Variants in APP observed in about 807,000 individuals in gnomAD.
APP encodes the protein amyloid beta precursor protein.
In APP, 31 loss-of-function variants were observed where a neutral mutation model predicts 101.4. The observed-to-expected ratio is 0.31, with a 90% CI of 0.23 to 0.41. The LOEUF (loss-of-function observed/expected upper bound fraction) is 0.41, where lower values mean the gene tolerates loss of function less well. Ranked by LOEUF, APP falls within the 10% of genes least tolerant of loss-of-function variation. The pLI is 1.00. For synonymous variants in APP, 366 were observed against 364.4 expected, an observed-to-expected ratio of 1.00 and a Z score of -0.05; for missense variants, 839 against 1,003.7, an observed-to-expected ratio of 0.84 and a Z score of 2.22.
chr21:25,890,908 C>CAATT (rs759843974), intron 17 of APP, among the ~76,000 whole-genome samples: 22 of 151,998 alleles, frequency 1.4e-4, no homozygotes, highest in Non-Finnish European at 2.8e-4. Context: ...TAAAATATCG[C>CAATT]AATTAAATGT....
In APP at chr21:26,111,900, C is replaced by T. The variant is rs370377819; in HGVS notation, c.225+79G>A. 1.3e-3 allele frequency: 1,893 copies of T among 1,509,290 alleles called. 1 individual carries two copies. The highest frequency in any genetic ancestry group is 6.5e-3 in the Middle Eastern group (38 of 5,870). The allele number at this position is 1,509,290 out of a possible 1,614,324, so 93.5% of individuals were successfully genotyped here. ...TTACTGTAGGGTTAAAATACTGATG[C>T]AAAATACAAGAAGTTAAATTTTTTG... On this transcript the variant is annotated intron_variant, in intron 2 of 17. Coordinates refer to ENST00000346798, the MANE Select transcript of APP (RefSeq NM_000484.4).
chr21:25,898,525 A>G (rs1041775512), intron 15 of APP, among the ~76,000 whole-genome samples: 1 of 152,212 alleles, frequency 6.6e-6, no homozygotes, highest in Non-Finnish European at 1.5e-5. Flanking sequence ...AGGGCTTTTG[A>G]AGTCATCTTC....
intron 1 of APP, chr21:26,140,252 T>C (rs1270736419): frequency 2.0e-5 from 31 of 1,535,938 alleles, no homozygotes; most frequent in Non-Finnish European, 2.6e-5. Flanking sequence ...AACTGTGGAA[T>C]ACTCCCTGAG....
At chr21:26,122,842 A>G (rs942732674) in intron 1 of APP, among the ~76,000 whole-genome samples, 2 of 151,762 alleles carry the variant, frequency 1.3e-5, no homozygotes, top group Non-Finnish European at 2.9e-5. Context: ...GATCACAGGC[A>G]AGTAGACAAA....
At chr21:25,979,712 C>T (rs1303002110) in intron 9 of APP, among the ~76,000 whole-genome samples, 10 of 151,884 alleles carry the variant, frequency 6.6e-5, no homozygotes, top group Admixed American at 6.6e-5. Context: ...AGACCTGTCA[C>T]ATCTAAAACT....
intron 1 of APP, among the ~76,000 whole-genome samples, chr21:26,142,856 G>A (rs1009409443): frequency 4.6e-5 from 7 of 152,162 alleles, no homozygotes; most frequent in African/African-American, 1.7e-4. Flanking sequence ...GGTACTACCT[G>A]TATTTCAGAG....
intron 3 of APP, chr21:26,089,483 G>A (rs1017458366): frequency 5.8e-5 from 8 of 138,758 alleles, no homozygotes; most frequent in African/African-American, 2.1e-4. Context: ...AATAAGAGGA[G>A]TAGTTATTGT....
At chr21:25,973,943 TAAAAAAAAA>T (rs369334912) in intron 11 of APP, among the ~76,000 whole-genome samples, 1 of 111,140 alleles carries the variant, frequency 9.0e-6, no homozygotes, top group Admixed American at 1.0e-4. Context: ...CCATCTCATT[TAAAAAAAAA>T]AAAAAAAAAA....
chr21:25,980,091 G>A (rs1601099354), intron 9 of APP, among the ~76,000 whole-genome samples: 1 of 152,182 alleles, frequency 6.6e-6, no homozygotes, highest in South Asian at 2.1e-4. Flanking sequence ...AGGGCAAAGG[G>A]AAGCCCAAGA....
chr21:25,949,666 G>A (rs1018822866), intron 13 of APP, among the ~76,000 whole-genome samples: 3 of 152,090 alleles, frequency 2.0e-5, no homozygotes, highest in African/African-American at 7.2e-5. Context: ...GAGGAGGCAA[G>A]GATGACCAAC....
chr21:26,104,328 A>G (rs928405311), intron 2 of APP, among the ~76,000 whole-genome samples: 1 of 151,822 alleles, frequency 6.6e-6, no homozygotes, highest in Non-Finnish European at 1.5e-5. Context: ...GGGGGGAAAA[A>G]TCTCAAATGG....
At chr21:26,144,490 A>G (rs2063115010) in intron 1 of APP, among the ~76,000 whole-genome samples, 1 of 152,184 alleles carries the variant, frequency 6.6e-6, no homozygotes, top group African/African-American at 2.4e-5. Context: ...AGCAATGTGG[A>G]TTTTATTATA....
At chr21:26,147,683 C>T (rs2063180642) in intron 1 of APP, among the ~76,000 whole-genome samples, 1 of 152,092 alleles carries the variant, frequency 6.6e-6, no homozygotes, top group East Asian at 1.9e-4. Flanking sequence ...CACAGAGCAA[C>T]TGTTAAGTTA....
chr21:25,893,693 T>C (rs936623888), intron 16 of APP, among the ~76,000 whole-genome samples: 19 of 152,188 alleles, frequency 1.2e-4, no homozygotes, highest in African/African-American at 2.7e-4. Flanking sequence ...AGAGGTTGAT[T>C]TCATGAGGTT....
chr21:25,959,347 T>A (rs2146508638), intron 11 of APP, among the ~76,000 whole-genome samples: 1 of 152,242 alleles, frequency 6.6e-6, no homozygotes, highest in South Asian at 2.1e-4. Context: ...GCAGGAGAAT[T>A]GTTTGAACCT....
At chr21:26,140,108 C>G (rs2063009675) in intron 1 of APP, 1 of 1,359,150 alleles carries the variant, frequency 7.4e-7, no homozygotes, top group Non-Finnish European at 1.0e-6. Context: ...TCATCTTACC[C>G]AAATACAGAC....
chr21:25,925,332 C>G (rs1657572814), intron 13 of APP, among the ~76,000 whole-genome samples: 1 of 152,192 alleles, frequency 6.6e-6, no homozygotes, highest in South Asian at 2.1e-4. Context: ...CTGAAACTCC[C>G]CAAGGCTCGG....
chr21:25,938,252 A>T lies in APP; in HGVS notation c.1687+16338T>A, dbSNP rs189385122. On this transcript the variant is annotated intron_variant, in intron 13 of 17. Coordinates refer to ENST00000346798, the MANE Select transcript of APP (RefSeq NM_000484.4). ...AACTTCTTGAGGTTAATAATGCTTC[A>T]TTGTAATATTTTATAAAATCACCAC... is the stretch of plus-strand genomic sequence containing the variant. Among the ~76,000 whole-genome samples the T allele has an allele frequency of 1.2e-4, 19 of 152,300 alleles. No homozygotes were observed. In the East Asian group the frequency reaches 3.1e-3, roughly 25 times the overall value.
chr21:26,012,236 C>T (rs370568509), intron 6 of APP, among the ~76,000 whole-genome samples: 5 of 152,060 alleles, frequency 3.3e-5, no homozygotes, highest in Admixed American at 2.6e-4. Context: ...TGGGGTCAGG[C>T]GATCATCCTG....
Sources: allele counts gnomAD v4.1 joint callset (sites outside exome capture counted in the v4.1 genomes callset), GRCh38; gene constraint gnomAD v4.1.1; transcripts MANE v1.5; gene names NCBI Gene and HGNC (gene_info 2026-07-23, HGNC 2026-07-21).